SH3RF3: variants seen among roughly 807,000 people sequenced by gnomAD.
SH3RF3 encodes E3 ubiquitin-protein ligase SH3RF3.
SH3RF3 carries 29 observed loss-of-function variants against 66.3 expected under a neutral mutation model. The ratio of observed to expected loss-of-function variants is 0.44; its 90% CI spans 0.33 to 0.60. The LOEUF (loss-of-function observed/expected upper bound fraction) is 0.60. SH3RF3 is among the 20% of genes least tolerant of loss of function. The pLI, the probability that SH3RF3 is intolerant of heterozygous loss-of-function variation, is 0.04. For synonymous variants in SH3RF3, 583 were observed against 532.0 expected (o/e 1.10, Z -1.32); for missense variants, 1,194 against 1,190.9 (o/e 1.00, Z -0.04).
chr2:109,152,309 G>C (rs1433302349), intron 1 of SH3RF3, among the ~76,000 whole-genome samples: 1 of 152,240 alleles, frequency 6.6e-6, no homozygotes, highest in Admixed American at 6.5e-5. Flanking sequence ...CTTTATAGTT[G>C]TGGGGAATGT....
chr2:109,280,276 G>A (rs904427445), intron 1 of SH3RF3, among the ~76,000 whole-genome samples: 4 of 152,186 alleles, frequency 2.6e-5, no homozygotes, highest in Non-Finnish European at 4.4e-5. Flanking sequence ...GGAAGGAAAC[G>A]CAGAGGCCTT....
rs560021452 is a variant in SH3RF3 at position 109,214,639 on chromosome 2, C to T, written c.573+84526C>T. 2.6e-5 allele frequency among the ~76,000 whole-genome samples: 4 copies of T among 152,208 alleles called. No individual in the cohort carries two copies. In the South Asian group the frequency reaches 6.2e-4, roughly 24 times the overall value. Reference sequence around the variant, plus strand: ...GGACATCTGAACAGCCCTGGAAGAACGTCTCTGCCTGACACTCTTGCTGGC... The same window carrying T: ...GGACATCTGAACAGCCCTGGAAGAATGTCTCTGCCTGACACTCTTGCTGGC... On this transcript the variant is annotated intron_variant, in intron 1 of 9. Coordinates refer to ENST00000309415, the MANE Select transcript of SH3RF3 (RefSeq NM_001099289.3).
At chr2:109,182,187 A>G (rs1276898096) in intron 1 of SH3RF3, among the ~76,000 whole-genome samples, 1 of 151,724 alleles carries the variant, frequency 6.6e-6, no homozygotes, top group Non-Finnish European at 1.5e-5. Flanking sequence ...ATAGAAGTGT[A>G]TTTGACTCAT....
chr2:109,345,359 A>G (rs1682664429), intron 1 of SH3RF3, among the ~76,000 whole-genome samples: 2 of 152,100 alleles, frequency 1.3e-5, no homozygotes, highest in Admixed American at 1.3e-4. Flanking sequence ...CTCAGATAGC[A>G]CGAGCCGGCC....
intron 2 of SH3RF3, among the ~76,000 whole-genome samples, chr2:109,358,675 G>A (rs1682999683): frequency 6.6e-6 from 1 of 152,128 alleles, no homozygotes; most frequent in South Asian, 2.1e-4. Context: ...TGTGTATTTT[G>A]CATAATAATC....
rs745803293 is a variant in SH3RF3, at chr2:109,406,502, C to T, written c.1299+7559C>T. On this transcript the variant is annotated intron_variant, in intron 4 of 9. Transcript: ENST00000309415. The stretch of plus-strand genomic sequence containing the variant: ...GCTTCTCACTCATACTATGAGTCAC[C>T]GGTAGAAGAGGGCTTGGCTCTACCA... Among the ~76,000 whole-genome samples the T allele has an allele frequency of 2.7e-4, 41 of 152,166 alleles. No homozygotes were observed. In the East Asian group the frequency reaches 2.9e-3, roughly 11 times the overall value.
intron 2 of SH3RF3, among the ~76,000 whole-genome samples, chr2:109,366,901 T>C (rs898661185): frequency 1.3e-5 from 2 of 152,194 alleles, no homozygotes; most frequent in African/African-American, 4.8e-5. Flanking sequence ...ATGATTGCTT[T>C]GTGGAAGGTA....
chr2:109,131,292 A>C, intron 1 of SH3RF3, among the ~76,000 whole-genome samples: 1 of 152,038 alleles, frequency 6.6e-6, no homozygotes. Flanking sequence ...ACAGTCAAGG[A>C]TAGTCACTGG....
chr2:109,319,061 C>A (rs1368110407), intron 1 of SH3RF3, among the ~76,000 whole-genome samples: 4 of 152,194 alleles, frequency 2.6e-5, no homozygotes, highest in Admixed American at 2.6e-4. Context: ...GTGTTTGTAT[C>A]CTGCCTGGAA....
At chr2:109,439,950 G>T (rs1677514724) in intron 7 of SH3RF3, among the ~76,000 whole-genome samples, 1 of 152,172 alleles carries the variant, frequency 6.6e-6, no homozygotes, top group Non-Finnish European at 1.5e-5. Context: ...GAAAATAGGA[G>T]GGGGATTGGG....
intron 5 of SH3RF3, among the ~76,000 whole-genome samples, chr2:109,420,677 T>C (rs918729429): frequency 9.2e-5 from 14 of 152,212 alleles, no homozygotes; most frequent in Middle Eastern, 3.4e-3. Context: ...GATCTCCTGA[T>C]CTCGTGATCC....
chr2:109,418,558 A>G (rs1255192288), intron 4 of SH3RF3, among the ~76,000 whole-genome samples: 1 of 152,012 alleles, frequency 6.6e-6, no homozygotes, highest in Admixed American at 6.6e-5. Context: ...CTTCCCCTCC[A>G]CATCCCGGTC....
intron 1 of SH3RF3, among the ~76,000 whole-genome samples, chr2:109,239,537 G>C (rs750149335): frequency 6.6e-6 from 1 of 152,160 alleles, no homozygotes. Flanking sequence ...TTGACTCTGC[G>C]GTCCGATGAG....
intron 8 of SH3RF3, among the ~76,000 whole-genome samples, chr2:109,480,924 C>T (rs1228736157): frequency 3.3e-5 from 5 of 152,066 alleles, no homozygotes; most frequent in Non-Finnish European, 4.4e-5. Context: ...CTAGAAGAAG[C>T]GGCAGATAAA....
chr2:109,345,370 G>C (rs1232932751), intron 1 of SH3RF3, among the ~76,000 whole-genome samples: 1 of 152,172 alleles, frequency 6.6e-6, no homozygotes, highest in Admixed American at 6.5e-5. Flanking sequence ...CGAGCCGGCC[G>C]CAGAAGGGAG....
At chr2:109,130,409 C>G (rs1265441977) in intron 1 of SH3RF3, among the ~76,000 whole-genome samples, 1 of 152,220 alleles carries the variant, frequency 6.6e-6, no homozygotes. Flanking sequence ...AACTTAGCAT[C>G]GCCCTTGCGT....
chr2:109,173,130 A>T (rs1677826972), intron 1 of SH3RF3, among the ~76,000 whole-genome samples: 1 of 152,222 alleles, frequency 6.6e-6, no homozygotes, highest in Non-Finnish European at 1.5e-5. Flanking sequence ...TTTAACTCAA[A>T]TTTTAAAAAT....
intron 1 of SH3RF3, among the ~76,000 whole-genome samples, chr2:109,275,198 CG>C: frequency 6.6e-6 from 1 of 152,148 alleles, no homozygotes; most frequent in African/African-American, 2.4e-5. Flanking sequence ...TGTGGTTTCT[CG>C]TACTTTGCTG....
chr2:109,170,547 T>C (rs1330760725), intron 1 of SH3RF3, among the ~76,000 whole-genome samples: 1 of 152,068 alleles, frequency 6.6e-6, no homozygotes, highest in Non-Finnish European at 1.5e-5. Flanking sequence ...GGTTTCACTA[T>C]GTTGGCCAGG....
Sources: allele counts gnomAD v4.1 joint callset (sites outside exome capture counted in the v4.1 genomes callset), GRCh38; gene constraint gnomAD v4.1.1; transcripts MANE v1.5; gene names NCBI Gene and HGNC (gene_info 2026-07-23, HGNC 2026-07-21).